Variants in RASAL2 observed in about 807,000 individuals in gnomAD.
RASAL2 encodes ras GTPase-activating protein nGAP.
A neutral mutation model predicts 128.9 loss-of-function variants in RASAL2; 58 were observed. The observed-to-expected ratio is 0.45, with a 90% CI of 0.36 to 0.56. The LOEUF (loss-of-function observed/expected upper bound fraction) is 0.56, where lower values mean the gene tolerates loss of function less well. Ranked by LOEUF, RASAL2 falls within the 20% of genes least tolerant of loss-of-function variation. The pLI, the probability that RASAL2 is intolerant of heterozygous loss-of-function variation, is 0.00. For synonymous variants in RASAL2, 561 were observed against 580.8 expected (o/e 0.97, Z 0.49); for missense variants, 1,360 against 1,601.6 (o/e 0.85, Z 2.57).
intron 3 of RASAL2, among the ~76,000 whole-genome samples, chr1:178,315,043 G>C (rs1369405916): frequency 3.4e-5 from 5 of 147,504 alleles, no homozygotes; most frequent in Non-Finnish European, 5.9e-5. Flanking sequence ...TGTGGTGTTT[G>C]GTTTTTTGAT....
chr1:178,267,956 C>A (rs1348003114), intron 1 of RASAL2, among the ~76,000 whole-genome samples: 1 of 150,752 alleles, frequency 6.6e-6, no homozygotes, highest in Non-Finnish European at 1.5e-5. Flanking sequence ...GTGGATCTTC[C>A]TCTCTTTTTT....
chr1:178,320,230 G>A (rs1475136809), intron 3 of RASAL2, among the ~76,000 whole-genome samples: 8 of 151,712 alleles, frequency 5.3e-5, no homozygotes, highest in Non-Finnish European at 1.2e-4. Context: ...GTCTGCAGAG[G>A]TTACTGCTGT....
intron 3 of RASAL2, among the ~76,000 whole-genome samples, chr1:178,304,579 T>G (rs1233286150): frequency 6.6e-6 from 1 of 152,138 alleles, no homozygotes; most frequent in Non-Finnish European, 1.5e-5. Flanking sequence ...GGGTTCTTGG[T>G]AAGTTTAGGA....
At chr1:178,094,768 C>T in intron 1 of RASAL2, 74 bp downstream of exon 1, 1 of 1,551,076 alleles carries the variant, frequency 6.4e-7, no homozygotes, top group South Asian at 1.2e-5. Flanking sequence ...CCCTAAGTCA[C>T]AGGCTCATTC....
chr1:178,386,617 A>G (rs1672588338), intron 3 of RASAL2, among the ~76,000 whole-genome samples: 1 of 152,004 alleles, frequency 6.6e-6, no homozygotes, highest in Non-Finnish European at 1.5e-5. Flanking sequence ...TTTGCCTTTC[A>G]ATCTGAAGAT....
chr1:178,341,668 C>T, intron 3 of RASAL2: 1 of 1,608,828 alleles, frequency 6.2e-7, no homozygotes, highest in Non-Finnish European at 8.5e-7. Context: ...GGGAATGTGG[C>T]TTTTTAAAAA....
At chr1:178,274,601 T>G (rs557215448) in intron 1 of RASAL2, among the ~76,000 whole-genome samples, 2 of 152,268 alleles carry the variant, frequency 1.3e-5, no homozygotes, top group African/African-American at 4.8e-5. Context: ...TTTCTTTTCT[T>G]TTTGAGACAG....
chr1:178,164,735 A>G (rs1336285006), intron 1 of RASAL2, among the ~76,000 whole-genome samples: 1 of 150,976 alleles, frequency 6.6e-6, no homozygotes, highest in African/African-American at 2.4e-5. Context: ...TGGTGGAGTG[A>G]TATGTTGTCA....
At chr1:178,435,422 G>C (rs1224897410) in intron 5 of RASAL2, among the ~76,000 whole-genome samples, 2 of 151,912 alleles carry the variant, frequency 1.3e-5, no homozygotes, top group East Asian at 3.9e-4. Context: ...TGTGAATGTT[G>C]GCTCCCCATC....
At chr1:178,256,673 A>G (rs574300051) in intron 1 of RASAL2, among the ~76,000 whole-genome samples, 1 of 152,204 alleles carries the variant, frequency 6.6e-6, no homozygotes, top group Admixed American at 6.5e-5. Flanking sequence ...TAGAAAAATC[A>G]GTGTTTTTGT....
chr1:178,311,453 G>C (rs1668246723), intron 3 of RASAL2, among the ~76,000 whole-genome samples: 1 of 151,904 alleles, frequency 6.6e-6, no homozygotes, highest in African/African-American at 2.4e-5. Context: ...CAGATCCCCA[G>C]GTCTCCTCCT....
At chr1:178,150,047 G>GT (rs1359725777) in intron 1 of RASAL2, among the ~76,000 whole-genome samples, 1 of 152,148 alleles carries the variant, frequency 6.6e-6, no homozygotes, top group East Asian at 1.9e-4. Context: ...AGTTAGAATT[G>GT]TAAGTTACTT....
chr1:178,350,117 G>C lies in RASAL2; in HGVS notation c.458-39983G>C, dbSNP rs375410755. ...CATATCACTTGTTTTACTCAAACTT[G>C]ATGTTTTAATGTTAGCATATTATTT... On this transcript the variant is annotated intron_variant, in intron 3 of 17. Coordinates refer to ENST00000367649, the MANE Select transcript of RASAL2 (RefSeq NM_170692.4). Among the ~76,000 whole-genome samples the C allele has an allele frequency of 4.6e-5, 7 of 152,296 alleles. No individual in the cohort carries two copies. In the East Asian group the frequency reaches 9.6e-4, roughly 21 times the overall value.
rs1354806666 is a variant in RASAL2 at position 178,454,633 on chromosome 1, T to C, written c.2196T>C (p.Val732=). Residue 732 remains valine (V), a synonymous_variant, in exon 12 of 18, where the codon GTT becomes GTC. Coordinates refer to ENST00000367649, the MANE Select transcript of RASAL2 (RefSeq NM_170692.4). ...TGCATTCCTTACTGTGGGAAGTAGT[T>C]TCCCAACTTGATAAGGTAAAGTAGG... The part of the protein sequence containing the change: ...SVLHSLLWEV[V]SQLDKATVAK... 3 of 1,613,676 alleles carry C rather than the reference T, an allele frequency of 1.9e-6. No homozygotes were observed. The highest frequency in any genetic ancestry group is 2.5e-6 in the Non-Finnish European group (3 of 1,179,646).
chr1:178,278,199 C>T (rs1666616659), intron 1 of RASAL2, among the ~76,000 whole-genome samples: 1 of 152,168 alleles, frequency 6.6e-6, no homozygotes, highest in African/African-American at 2.4e-5. Flanking sequence ...TACCTCCACC[C>T]CGTCCTGCTA....
chr1:178,451,235 C>A (rs888676514), intron 9 of RASAL2, among the ~76,000 whole-genome samples: 2 of 152,066 alleles, frequency 1.3e-5, no homozygotes, highest in East Asian at 3.9e-4. Flanking sequence ...GTAGAGCGAG[C>A]CTTAAAACAT....
At chr1:178,298,940 C>A (rs4573483) in intron 2 of RASAL2, among the ~76,000 whole-genome samples, 37,560 of 151,316 alleles carry the variant, frequency 0.25, 7,322 homozygotes, top group African/African-American at 0.55. Context: ...CCAAAAAAAA[C>A]CCACAACTTT....
intron 1 of RASAL2, among the ~76,000 whole-genome samples, chr1:178,206,122 T>C (rs574021650): frequency 6.6e-5 from 10 of 152,310 alleles, no homozygotes; most frequent in African/African-American, 2.2e-4. Context: ...CTGTGTACTC[T>C]GTCCTCTCTG....
intron 1 of RASAL2, among the ~76,000 whole-genome samples, chr1:178,118,282 G>C (rs1659587563): frequency 6.6e-6 from 1 of 152,102 alleles, no homozygotes; most frequent in Non-Finnish European, 1.5e-5. Flanking sequence ...GGATGGGGAG[G>C]AGGTGGGTGG....
Sources: gnomAD v4.1 joint callset for allele counts (sites outside exome capture counted in the v4.1 genomes callset) on GRCh38, gnomAD v4.1.1 for gene constraint, MANE v1.5 for transcripts, NCBI Gene and HGNC (gene_info 2026-07-23, HGNC 2026-07-21) for gene names.